Variants in SLC36A1 observed in about 807,000 individuals in gnomAD.
The protein encoded by SLC36A1 is solute carrier family 36 member 1.
A neutral mutation model predicts 47.5 loss-of-function variants in SLC36A1; 30 were observed. The ratio of observed to expected loss-of-function variants is 0.63; its 90% CI spans 0.47 to 0.86. SLC36A1 has a LOEUF of 0.86. SLC36A1 is among the 40% of genes least tolerant of loss of function. The pLI, the probability that SLC36A1 is intolerant of heterozygous loss-of-function variation, is 0.00. For missense variants in SLC36A1, 517 were observed against 606.0 expected (o/e 0.85, Z 1.54); for synonymous variants, 255 against 249.7 (o/e 1.02, Z -0.20).
At chr5:151,507,488 T>C in the SLC36A1 span, 1 of 1,614,070 alleles carries the variant, frequency 6.2e-7, no homozygotes, top group South Asian at 1.1e-5. Flanking sequence ...CGACAGTGCT[T>C]ATGATAATGA....
chr5:151,487,856 A>C (rs928579915), intron 10 of SLC36A1, 127 bp from the exon 11 acceptor site: 9 of 1,132,620 alleles, frequency 7.9e-6, no homozygotes, highest in Non-Finnish European at 1.0e-5. Flanking sequence ...TGAACTGGAC[A>C]ATGTCTAAGT....
At chr5:151,396,628 T>TTTAAATATGAATGGGA in the SLC36A1 span, among the ~76,000 whole-genome samples, 4 of 150,102 alleles carry the variant, frequency 2.7e-5, no homozygotes, top group Admixed American at 6.6e-5. Flanking sequence ...AAAAATTTTC[T>TTTAAATATGAATGGGA]TTAAATATGA....
chr5:151,380,834 C>T, the SLC36A1 span: 1 of 482,054 alleles, frequency 2.1e-6, no homozygotes, highest in Non-Finnish European at 4.2e-6. Flanking sequence ...AGCAGCAGAC[C>T]CACTGCCTCC....
chr5:151,479,341 G>A lies in SLC36A1; in HGVS notation c.1011G>A (p.Leu337=), dbSNP rs774157506. The change falls in exon 10 of 11, where the codon CTG becomes CTA. Residue 337 remains leucine (L), a synonymous_variant. Transcript: ENST00000243389. The part of the protein sequence containing the change: ...PNCWLYQSVK[L]LYSIGIFFTY... ...GCAGGTTGTACCAGTCAGTTAAGCT[G>A]CTGTACTCCATCGGGATCTTTTTCA... The A allele has an allele frequency of 6.2e-7, 1 of 1,614,164 alleles. No individual in the cohort carries two copies. The highest frequency in any genetic ancestry group is 8.5e-7 in the Non-Finnish European group (1 of 1,180,012).
the SLC36A1 span, chr5:151,544,867 T>A: frequency 1.9e-6 from 3 of 1,614,172 alleles, no homozygotes; most frequent in Non-Finnish European, 1.7e-6. Flanking sequence ...AAAGAGGACA[T>A]CCCCTGGCTC....
the SLC36A1 span, among the ~76,000 whole-genome samples, chr5:151,514,744 G>C: frequency 1.3e-5 from 2 of 152,066 alleles, no homozygotes; most frequent in Non-Finnish European, 2.9e-5. Flanking sequence ...GAAATCATCA[G>C]ATGGGGGAAC....
the SLC36A1 span, among the ~76,000 whole-genome samples, chr5:151,388,644 T>C: frequency 6.6e-6 from 1 of 150,972 alleles, no homozygotes; most frequent in African/African-American, 2.5e-5. Context: ...CCGTCACTAG[T>C]ATTTGGCTCA....
chr5:151,543,996 T>G, the SLC36A1 span: 3 of 1,614,198 alleles, frequency 1.9e-6, no homozygotes, highest in African/African-American at 2.7e-5. Context: ...GTCTGAACTC[T>G]GGGGGGTTGT....
At chr5:151,397,803 G>A in the SLC36A1 span, among the ~76,000 whole-genome samples, 1 of 147,474 alleles carries the variant, frequency 6.8e-6, no homozygotes, top group Non-Finnish European at 1.5e-5. Flanking sequence ...AATTATCTGT[G>A]GCCTCCAGAT....
At chr5:151,398,472 T>C in the SLC36A1 span, among the ~76,000 whole-genome samples, 1 of 152,166 alleles carries the variant, frequency 6.6e-6, no homozygotes, top group Non-Finnish European at 1.5e-5. Flanking sequence ...ATATAGCAGC[T>C]CCTGAACAAA....
intron 10 of SLC36A1, among the ~76,000 whole-genome samples, chr5:151,482,630 C>T (rs1233211586): frequency 1.3e-5 from 2 of 152,132 alleles, no homozygotes; most frequent in African/African-American, 4.8e-5. Context: ...TTTTATATCA[C>T]AAATATTCAT....
chr5:151,440,095 A>G (rs1752535959), intron 1 of SLC36A1, among the ~76,000 whole-genome samples: 1 of 152,200 alleles, frequency 6.6e-6, no homozygotes, highest in African/African-American at 2.4e-5. Context: ...GAATAACGGC[A>G]TTGCTCTCTG....
chr5:151,500,497 A>G, the SLC36A1 span, among the ~76,000 whole-genome samples: 1 of 152,126 alleles, frequency 6.6e-6, no homozygotes, highest in Non-Finnish European at 1.5e-5. Flanking sequence ...CCTCCTGAGT[A>G]GCTGGGATTA....
chr5:151,531,457 T>C, the SLC36A1 span: 1 of 1,259,144 alleles, frequency 7.9e-7, no homozygotes, highest in Non-Finnish European at 1.1e-6. The surrounding 1 kb of genome is among the most constrained non-coding windows in gnomAD (Gnocchi z 5.7). Flanking sequence ...CAGAAGAGAA[T>C]GGAGAAACGA....
the SLC36A1 span, chr5:151,531,545 C>T: frequency 2.5e-4 from 396 of 1,608,468 alleles, no homozygotes; most frequent in Non-Finnish European, 3.2e-4. The surrounding 1 kb of genome is among the most constrained non-coding windows in gnomAD (Gnocchi z 5.7). Context: ...TCCCAGAAAC[C>T]CTGTACGCGA....
the SLC36A1 span, chr5:151,532,020 A>G: frequency 2.5e-6 from 4 of 1,592,466 alleles, 1 homozygote; most frequent in South Asian, 3.4e-5. Flanking sequence ...CCTCCTCTGG[A>G]CCTGCCTGCA....
At chr5:151,431,996 T>C in the SLC36A1 span, among the ~76,000 whole-genome samples, 1 of 152,186 alleles carries the variant, frequency 6.6e-6, no homozygotes, top group Non-Finnish European at 1.5e-5. Context: ...GAAGAATGAA[T>C]GGCCAAAAGC....
rs749715139 is a variant in SLC36A1, at chr5:151,488,007, G to A, written c.1184G>A (p.Arg395His). ...GGCATCTTGGCCATCCTCATCCCCC[G>A]CCTGGACCTGGTCATCTCCCTGGTG... ...LTCILAILIP[R>H]LDLVISLVGS... Residue 395 changes from arginine (R) to histidine (H), a missense_variant, in exon 11 of 11, where the codon CGC becomes CAC. Arg to His is a conservative substitution (Grantham distance 29, BLOSUM62 0). Transcript: ENST00000243389. 9.3e-6 allele frequency: 15 copies of A among 1,614,020 alleles called. No individual in the cohort carries two copies. The highest frequency in any genetic ancestry group is 3.3e-5 in the Admixed American group (2 of 60,024).
chr5:151,360,436 A>G, the SLC36A1 span, among the ~76,000 whole-genome samples: 1 of 152,210 alleles, frequency 6.6e-6, no homozygotes, highest in Non-Finnish European at 1.5e-5. Context: ...GAGTTGGGTC[A>G]TCATGTAATT....
Sources: allele counts gnomAD v4.1 joint callset (sites outside exome capture counted in the v4.1 genomes callset), GRCh38; gene constraint gnomAD v4.1.1; non-coding constraint Gnocchi (gnomAD v3.1); transcripts MANE v1.5; gene names NCBI Gene and HGNC (gene_info 2026-07-23, HGNC 2026-07-21).